Variants in SC5D observed in about 807,000 individuals in gnomAD.
SC5D encodes the protein lathosterol oxidase.
SC5D carries 21 observed loss-of-function variants against 23.9 expected under a neutral mutation model. The observed-to-expected ratio is 0.88, with a 90% CI of 0.62 to 1.26. The LOEUF (loss-of-function observed/expected upper bound fraction) is 1.26. Ranked by LOEUF, SC5D falls within the 50% of genes most tolerant of loss-of-function variation. SC5D has a pLI of 0.00. For missense variants in SC5D, 309 were observed against 364.8 expected (o/e 0.85, Z 1.25); for synonymous variants, 113 against 125.9 (o/e 0.90, Z 0.68).
chr11:121,296,964 GA>G (rs1030520727), intron 1 of SC5D, among the ~76,000 whole-genome samples: 12 of 152,108 alleles, frequency 7.9e-5, no homozygotes, highest in African/African-American at 2.4e-4. Context: ...GATAAACACA[GA>G]AAAAAATATA....
rs1201999763 is a variant in SC5D at position 121,313,399 on chromosome 11, A to G, written c.*5887A>G. ...TATTATGAATAAAGTTGCTACAAAC[A>G]TTTGTATACAAGTCTTTGTGTGGCT... is the stretch of plus-strand genomic sequence containing the variant. On this transcript the variant is annotated 3_prime_UTR_variant, in exon 5 of 5. Coordinates refer to ENST00000264027, the MANE Select transcript of SC5D (RefSeq NM_006918.5). Among the ~76,000 whole-genome samples, 1 of 152,054 alleles carries G rather than the reference A, an allele frequency of 6.6e-6. No individual in the cohort carries two copies. Among genetic ancestry groups the G allele is most frequent in the East Asian group, 1.9e-4 (1 of 5,196 alleles).
Position 121,310,675 on chromosome 11 carries a change from T to G in SC5D, c.*3163T>G, listed in dbSNP as rs1948003942. ...TGGGGTTTCACCGTGTTAGCCAGGA[T>G]GGTCTTGATCTCCTGACCTCATGAT... On this transcript the variant is annotated 3_prime_UTR_variant, in exon 5 of 5. Transcript: ENST00000264027. Among the ~76,000 whole-genome samples the G allele has an allele frequency of 6.6e-6, 1 of 152,098 alleles. No individual in the cohort carries two copies. The highest frequency in any genetic ancestry group is 1.5e-5 in the Non-Finnish European group (1 of 68,010).
In SC5D at chr11:121,307,158, A is replaced by G. The variant is rs780238470; in HGVS notation, c.546A>G (p.Ile182Met). ...TTCTTCAGAGTCTACCTTACCATAT[A>G]TACCCTTTTATCTTTCCATTACACA... ...DGFLQSLPYHIYPFIFPLHKV... is the reference protein window; with the variant it reads ...DGFLQSLPYHMYPFIFPLHKV... Residue 182 changes from isoleucine (I) to methionine (M), a missense_variant, in exon 5 of 5, where the codon ATA (isoleucine) becomes ATG (methionine). By Grantham distance (10) the Ile-to-Met change is conservative. Transcript: ENST00000264027. The G allele has an allele frequency of 6.2e-6, 10 of 1,614,020 alleles. No homozygotes were observed. The South Asian group carries it at 1.1e-4, about 18-fold the overall frequency.
At chr11:121,294,011 T>C (rs947827319) in intron 1 of SC5D, among the ~76,000 whole-genome samples, 5 of 152,196 alleles carry the variant, frequency 3.3e-5, no homozygotes, top group Non-Finnish European at 5.9e-5. Context: ...CATAGAGGTA[T>C]AGGGATTAGA....
chr11:121,297,180 G>A (rs975720026), intron 1 of SC5D, among the ~76,000 whole-genome samples: 3 of 152,186 alleles, frequency 2.0e-5, no homozygotes, highest in Non-Finnish European at 4.4e-5. Context: ...TATGGAGAGC[G>A]ATGTAGCAAT....
At chr11:121,294,122 C>A (rs559888041) in intron 1 of SC5D, among the ~76,000 whole-genome samples, 6 of 152,220 alleles carry the variant, frequency 3.9e-5, no homozygotes, top group Admixed American at 2.6e-4. Flanking sequence ...CTGAGTTGTT[C>A]TAAGCCTAAT....
chr11:121,299,328 C>G (rs908778730), intron 1 of SC5D, among the ~76,000 whole-genome samples: 1 of 152,176 alleles, frequency 6.6e-6, no homozygotes, highest in Admixed American at 6.5e-5. Flanking sequence ...GATTCTCAAG[C>G]AATCAGATGT....
Position 121,303,550 on chromosome 11 carries a change from G to T in SC5D, c.175G>T (p.Asp59Tyr), listed in dbSNP as rs148156529. Residue 59 changes from aspartate (D) to tyrosine (Y), a missense_variant, in exon 2 of 5, where the codon GAT becomes TAT. Asp to Tyr is a radical substitution (Grantham distance 160). Transcript: ENST00000264027. ...CATLSYYFVF[D>Y]HALMKHPQFL... ...AACACTGAGCTATTATTTTGTCTTCGATCATGCATTAATGAAACATCCACA... is the reference window on the plus strand; with the variant it reads ...AACACTGAGCTATTATTTTGTCTTCTATCATGCATTAATGAAACATCCACA... The T allele has an allele frequency of 6.2e-7, 1 of 1,613,436 alleles. No individual in the cohort carries two copies.
Position 121,308,783 on chromosome 11 carries a change from A to G in SC5D, c.*1271A>G, listed in dbSNP as rs1326579050. 1 of 152,638 alleles carries G rather than the reference A, an allele frequency of 6.6e-6. No homozygotes were observed. Among genetic ancestry groups the G allele is most frequent in the Admixed American group, 6.5e-5 (1 of 15,288 alleles). 9.5% of individuals were successfully genotyped at this position (152,638 alleles called of 1,614,324 possible). ...ACAGGGGGAAAGAAGTGGGTACCAC[A>G]TTCTGTTTATATTTCACATTTTAAC... On this transcript the variant is annotated 3_prime_UTR_variant, in exon 5 of 5. Transcript: ENST00000264027.
At position 121,307,101 on chromosome 11, in the gene SC5D, T is replaced by A; in HGVS notation, c.489T>A (p.Phe163Leu). 6.2e-7 allele frequency: 1 copy of A among 1,614,192 alleles called. No individual in the cohort carries two copies. The highest frequency in any genetic ancestry group is 8.5e-7 in the Non-Finnish European group (1 of 1,180,024). ...ATATTTGGAAGATTCCTACTCCATT[T>A]GCAAGTCATGCTTTTCACCCTATTG... The part of the protein sequence containing the change: ...PHHIWKIPTP[F>L]ASHAFHPIDG... The change falls in exon 5 of 5, where the codon TTT becomes TTA. Residue 163 changes from phenylalanine (F) to leucine (L), a missense_variant. Coordinates refer to ENST00000264027, the MANE Select transcript of SC5D (RefSeq NM_006918.5).
chr11:121,295,699 A>G (rs1310110717), intron 1 of SC5D, among the ~76,000 whole-genome samples: 1 of 152,146 alleles, frequency 6.6e-6, no homozygotes, highest in African/African-American at 2.4e-5. Context: ...TGGAGTCCCA[A>G]GATTTATTTT....
At position 121,311,967 on chromosome 11, in the gene SC5D, T is replaced by C. The variant is rs1948014383; in HGVS notation, c.*4455T>C. On this transcript the variant is annotated 3_prime_UTR_variant, in exon 5 of 5. Coordinates refer to ENST00000264027, the MANE Select transcript of SC5D (RefSeq NM_006918.5). The stretch of plus-strand genomic sequence containing the variant: ...ATTGAGGTGAAGTAGAGATAGAGGG[T>C]ACACAGAAAAATCGTATAAGTAAAA... Among the ~76,000 whole-genome samples, 1 of 152,184 alleles carries C rather than the reference T, an allele frequency of 6.6e-6. No homozygotes were observed. The highest frequency in any genetic ancestry group is 1.5e-5 in the Non-Finnish European group (1 of 68,012).
rs192923811 is a variant in SC5D at position 121,311,599 on chromosome 11, T to C, written c.*4087T>C. Among the ~76,000 whole-genome samples, 68 of 152,338 alleles carry C rather than the reference T, an allele frequency of 4.5e-4. No homozygotes were observed. Among genetic ancestry groups the C allele is most frequent in the Non-Finnish European group, 7.9e-4 (54 of 68,016 alleles). ...GAAAAAAGATCCTCAAAGATATTAGTTGGTTACATCAAGAAAGGACAAACT... is the reference window on the plus strand; with the variant it reads ...GAAAAAAGATCCTCAAAGATATTAGCTGGTTACATCAAGAAAGGACAAACT... On this transcript the variant is annotated 3_prime_UTR_variant, in exon 5 of 5. Transcript: ENST00000264027.
rs1948015979 is a variant in SC5D at position 121,312,202 on chromosome 11, G to A, written c.*4690G>A. Among the ~76,000 whole-genome samples the A allele has an allele frequency of 6.6e-6, 1 of 152,150 alleles. No individual in the cohort carries two copies. Among genetic ancestry groups the A allele is most frequent in the African/African-American group, 2.4e-5 (1 of 41,448 alleles). Reference sequence around the variant, plus strand: ...AATTTTTTAAAGGCAGGAAGGAAGTGTTTGAACCATGTGTCAACAAGCTTT... The same window carrying A: ...AATTTTTTAAAGGCAGGAAGGAAGTATTTGAACCATGTGTCAACAAGCTTT... On this transcript the variant is annotated 3_prime_UTR_variant, in exon 5 of 5. Transcript: ENST00000264027.
In SC5D at chr11:121,303,107, G is replaced by A. The variant is rs146525488; in HGVS notation, c.-10-259G>A. On this transcript the variant is annotated intron_variant, in intron 1 of 4. Transcript: ENST00000264027. ...CCATCTGGGCTTGTGCCACTTAGCA[G>A]CTTGATGACCTTTCCTGGGCCTCAG... is the stretch of plus-strand genomic sequence containing the variant. Among the ~76,000 whole-genome samples the A allele has an allele frequency of 1.9e-3, 284 of 152,276 alleles. 1 individual carries two copies. The highest frequency in any genetic ancestry group is 6.3e-3 in the African/African-American group (260 of 41,562).
rs546690754 is a variant in SC5D at position 121,294,772 on chromosome 11, G to A, written c.-11+1956G>A. On this transcript the variant is annotated intron_variant, in intron 1 of 4. Coordinates refer to ENST00000264027, the MANE Select transcript of SC5D (RefSeq NM_006918.5). ...CCTCACAGCAATCAAACATGTTTGTGTTCTTTTTGGTTGCACGATACTATT... is the reference window on the plus strand; with the variant it reads ...CCTCACAGCAATCAAACATGTTTGTATTCTTTTTGGTTGCACGATACTATT... Among the ~76,000 whole-genome samples the A allele has an allele frequency of 1.2e-4, 18 of 152,256 alleles. No individual in the cohort carries two copies. In the South Asian group the frequency reaches 2.5e-3, roughly 21 times the overall value.
chr11:121,311,723 T>C lies in SC5D; in HGVS notation c.*4211T>C, dbSNP rs185090701. Among the ~76,000 whole-genome samples the C allele has an allele frequency of 2.0e-5, 3 of 152,346 alleles. No individual in the cohort carries two copies. The East Asian group carries it at 5.8e-4, about 29-fold the overall frequency. Reference sequence around the variant, plus strand: ...GCACCATCCCTGGTTTCTCCATCTGTAAATTGATTAAAACACTGCCTATCT... The same window carrying C: ...GCACCATCCCTGGTTTCTCCATCTGCAAATTGATTAAAACACTGCCTATCT... On this transcript the variant is annotated 3_prime_UTR_variant, in exon 5 of 5. Transcript: ENST00000264027.
At chr11:121,304,801 C>T (rs1947952123) in intron 3 of SC5D, 1 of 297,164 alleles carries the variant, frequency 3.4e-6, no homozygotes, top group Non-Finnish European at 6.5e-6. Flanking sequence ...ACTTGAGTAG[C>T]TTATGTCATT....
Position 121,310,094 on chromosome 11 carries a change from T to C in SC5D, c.*2582T>C, listed in dbSNP as rs144615766. Among the ~76,000 whole-genome samples the C allele has an allele frequency of 6.6e-6, 1 of 152,110 alleles. No homozygotes were observed. Among genetic ancestry groups the C allele is most frequent in the African/African-American group, 2.4e-5 (1 of 41,414 alleles). ...TTGGAAGAGAATTACACAAGTTCAG[T>C]TTTTTGATACATGGATTTTACAGTG... On this transcript the variant is annotated 3_prime_UTR_variant, in exon 5 of 5. Coordinates refer to ENST00000264027, the MANE Select transcript of SC5D (RefSeq NM_006918.5).
Sources: allele counts gnomAD v4.1 joint callset (sites outside exome capture counted in the v4.1 genomes callset), GRCh38; gene constraint gnomAD v4.1.1; transcripts MANE v1.5; gene names NCBI Gene and HGNC (gene_info 2026-07-23, HGNC 2026-07-21).